The following HECTD3 variants were observed in gnomAD, a reference collection of about 807,000 sequenced individuals.
HECTD3 encodes the protein E3 ubiquitin-protein ligase HECTD3.
A neutral mutation model predicts 109.3 loss-of-function variants in HECTD3; 72 were observed. The observed-to-expected ratio is 0.66, with a 90% confidence interval of 0.54 to 0.80. The LOEUF is 0.80. Among genes scored for constraint, HECTD3 ranks in the 30% least tolerant of loss-of-function variants. The pLI, the probability that HECTD3 is intolerant of heterozygous loss-of-function variation, is 0.00. For missense variants in HECTD3, 1,041 were observed against 1,165.2 expected (o/e 0.89, Z 1.55); for synonymous variants, 481 against 471.8 (o/e 1.02, Z -0.25).
At chr1:45,010,757 C>T (rs1450630789) in intron 1 of HECTD3, 51 bp from the exon 2 acceptor site, 5 of 1,520,394 alleles carry the variant, frequency 3.3e-6, no homozygotes, top group South Asian at 1.3e-5. Context: ...GCCCAGCCGC[C>T]TGTCGTGCCC....
Position 45,006,351 on chromosome 1 carries a change from G to A in HECTD3, c.1726-235C>T. Reference sequence around the variant, plus strand: ...GACAGAGTCTCACTGTGTCACCCAGGCTGGAGTGCAGTGGCGTGATCTCGG... The same window carrying A: ...GACAGAGTCTCACTGTGTCACCCAGACTGGAGTGCAGTGGCGTGATCTCGG... On this transcript the variant is annotated intron_variant, in intron 13 of 20. Coordinates refer to ENST00000372172, the MANE Select transcript of HECTD3 (RefSeq NM_024602.6). The surrounding 1 kb of genome is among the most constrained non-coding windows in gnomAD (Gnocchi z 4.7). 1.9e-6 allele frequency: 1 copy of A among 513,350 alleles called. No individual in the cohort carries two copies. Among genetic ancestry groups the A allele is most frequent in the African/African-American group, 1.9e-5 (1 of 51,790 alleles). The allele number at this position is 513,350 out of a possible 1,614,324, so 31.8% of individuals were successfully genotyped here.
At chr1:45,007,168 T>G (rs766362274) in intron 11 of HECTD3, 51 bp downstream of exon 11, 337 of 1,479,758 alleles carry the variant, frequency 2.3e-4, no homozygotes, top group Non-Finnish European at 3.0e-4. Flanking sequence ...TTGTGTGTGT[T>G]TGTGTGCACA....
In HECTD3 at chr1:45,004,292, A is replaced by G; in HGVS notation, c.2228T>C (p.Val743Ala). Residue 743 changes from valine (V) to alanine (A), a missense_variant, in exon 17 of 21, where the codon GTG becomes GCG. This residue lies in a region of HECTD3 where 569 missense variants were observed against 715.3 expected (regional missense o/e 0.80). Transcript: ENST00000372172. ...LLTWQELEKKVCGDPEVTVDA... is the reference protein window; with the variant it reads ...LLTWQELEKKACGDPEVTVDA... ...CACAGTGACCTCTGGATCCCCACAC[A>G]CTTTCTTCTCCAACTCTTGCCAGGT... The G allele has an allele frequency of 6.2e-7, 1 of 1,613,910 alleles. No individual in the cohort carries two copies.
Position 45,009,212 on chromosome 1 carries a change from T to A in HECTD3, c.1004A>T (p.Asp335Val), listed in dbSNP as rs774288032. 6.2e-7 allele frequency: 1 copy of A among 1,613,742 alleles called. No homozygotes were observed. The highest frequency in any genetic ancestry group is 1.3e-5 in the African/African-American group (1 of 74,990). ...GGTCATGTCCTCCAGGACACAGACA[T>A]CCCCGATGAGGGTCCTGAGGAGATG... ...DVSIDETLIGDVCVLEDMTVH... is the reference protein window; with the variant it reads ...DVSIDETLIGVVCVLEDMTVH... Residue 335 changes from aspartate (D) to valine (V), a missense_variant, in exon 7 of 21, where the codon GAT becomes GTT. This residue lies in a region of HECTD3 where 569 missense variants were observed against 715.3 expected (regional missense o/e 0.80). Coordinates refer to ENST00000372172, the MANE Select transcript of HECTD3 (RefSeq NM_024602.6).
At chr1:45,007,083 A>G (rs1287608366) in intron 11 of HECTD3, 68 bp from the exon 12 acceptor site, 11 of 1,590,342 alleles carry the variant, frequency 6.9e-6, no homozygotes, top group Non-Finnish European at 9.5e-6. Flanking sequence ...CAGCTCAGAG[A>G]CCACCTGGGA....
At position 45,010,524 on chromosome 1, in the gene HECTD3, CCCGCTCCT is replaced by C. The variant is rs1241499472; in HGVS notation, c.530+14_530+21del. 19 of 1,613,112 alleles carry C rather than the reference CCCGCTCCT, an allele frequency of 1.2e-5. No individual in the cohort carries two copies. Among genetic ancestry groups the C allele is most frequent in the Admixed American group, 6.7e-5 (4 of 59,956 alleles). On this transcript the variant is annotated intron_variant, in intron 2 of 20. Coordinates refer to ENST00000372172, the MANE Select transcript of HECTD3 (RefSeq NM_024602.6). Reference sequence around the variant, plus strand: ...CTGGCCCGGCCTTCTGACAGCCAGCCCCGCTCCTTCAAGTGCAGTACCTGAGCACCGGC... The same window carrying C: ...CTGGCCCGGCCTTCTGACAGCCAGCCTCAAGTGCAGTACCTGAGCACCGGC...
intron 9 of HECTD3, 152 bp from the exon 10 acceptor site, chr1:45,007,747 G>A (rs983763331): frequency 1.5e-6 from 1 of 670,892 alleles, no homozygotes; most frequent in Non-Finnish European, 2.5e-6. Context: ...CCTTAGTTCA[G>A]CCACCAGGGA....
At chr1:45,004,555 C>G (rs1644718629) in intron 16 of HECTD3, 45 bp downstream of exon 16, 3 of 1,609,004 alleles carry the variant, frequency 1.9e-6, no homozygotes, top group Non-Finnish European at 1.7e-6. Context: ...AGCTGGGGCT[C>G]AGGAGGGGCC....
rs1644788420 is a variant in HECTD3 at position 45,011,096 on chromosome 1, G to A, written c.162C>T (p.Asp54=). The A allele has an allele frequency of 2.0e-6, 3 of 1,502,548 alleles. No homozygotes were observed. Among genetic ancestry groups the A allele is most frequent in the Non-Finnish European group, 2.6e-6 (3 of 1,132,718 alleles). 93.1% of individuals were successfully genotyped at this position (1,502,548 alleles called of 1,614,324 possible). Residue 54 remains aspartate (D), a synonymous_variant, in exon 1 of 21, where the codon GAC becomes GAT. Transcript: ENST00000372172. ...PREVLYKLYK[D]PAGPSRVLLP... ...GAAGCACGCGCGACGGTCCCGCTGG[G>A]TCCTTGTAAAGCTTGTAGAGCACCT... is the stretch of plus-strand genomic sequence containing the variant.
In HECTD3 at chr1:45,004,621, C is replaced by G. The variant is rs1220194967; in HGVS notation, c.2121G>C (p.Arg707=). Residue 707 remains arginine (R), a synonymous_variant, in exon 16 of 21, where the codon CGG becomes CGC. Transcript: ENST00000372172. The stretch of plus-strand genomic sequence containing the variant: ...CTACCTGCTCCTTGCTCTCCTCTAG[C>G]CGTGCCTTCTGGACCAGTTGGATGA... ...SRFIQLVQKA[R]LEESKEQVAA... 1 of 1,614,206 alleles carries G rather than the reference C, an allele frequency of 6.2e-7. No individual in the cohort carries two copies. Among genetic ancestry groups the G allele is most frequent in the East Asian group, 2.2e-5 (1 of 44,890 alleles).
At position 45,010,452 on chromosome 1, in the gene HECTD3, A is replaced by G. The variant is rs1260074424; in HGVS notation, c.530+94T>C. On this transcript the variant is annotated intron_variant, in intron 2 of 20. Transcript: ENST00000372172. ...CTGCTCTTAACCCTGCCTCCGCTCC[A>G]GTATCCCACCCACCCCAGGCTGTGG... The G allele has an allele frequency of 1.9e-6, 3 of 1,545,372 alleles. No individual in the cohort carries two copies. In the African/African-American group the frequency reaches 4.1e-5, roughly 21 times the overall value.
intron 7 of HECTD3, 24 bp from the exon 8 acceptor site, chr1:45,008,725 G>A (rs1361235354): frequency 6.2e-7 from 1 of 1,602,536 alleles, no homozygotes; most frequent in African/African-American, 1.3e-5. Context: ...TCAGAGTAAG[G>A]TCATTTACAG....
At chr1:45,004,511 C>A (rs931601809) in intron 16 of HECTD3, 89 bp downstream of exon 16, 2 of 1,591,462 alleles carry the variant, frequency 1.3e-6, no homozygotes, top group Non-Finnish European at 1.7e-6. Flanking sequence ...TCTTGGAGTA[C>A]TGGTGGCTTA....
chr1:45,006,247 C>A lies in HECTD3; in HGVS notation c.1726-131G>T. The stretch of plus-strand genomic sequence containing the variant: ...TCCCTTCAAATGCACAGTGGCTCCT[C>A]CTCTCCCTGTCTGCCCAGAGGTTGC... On this transcript the variant is annotated intron_variant, in intron 13 of 20. Coordinates refer to ENST00000372172, the MANE Select transcript of HECTD3 (RefSeq NM_024602.6). This position sits in a 1 kb window ranked among gnomAD's most constrained non-coding sequence, Gnocchi z 4.7. 1 of 1,184,576 alleles carries A rather than the reference C, an allele frequency of 8.4e-7. No individual in the cohort carries two copies. The highest frequency in any genetic ancestry group is 1.2e-6 in the Non-Finnish European group (1 of 828,406). 73.4% of individuals were successfully genotyped at this position (1,184,576 alleles called of 1,614,324 possible). A position where few individuals can be genotyped will look rare whatever the true frequency, so the allele number is the denominator to read the frequency against.
At position 45,010,683 on chromosome 1, in the gene HECTD3, G is replaced by A. The variant is rs547349361; in HGVS notation, c.393C>T (p.Gly131=). The A allele has an allele frequency of 8.3e-6, 13 of 1,566,862 alleles. No homozygotes were observed. In the East Asian group the frequency reaches 9.3e-5, roughly 11 times the overall value. ...LTKEQLAEHL[G]DCGLQEGWLL... Reference sequence around the variant, plus strand: ...GCCAGCCTTCCTGCAGCCCGCAGTCGCCCAGGTGCTCTGCCAGCTGCTCCT... The same window carrying A: ...GCCAGCCTTCCTGCAGCCCGCAGTCACCCAGGTGCTCTGCCAGCTGCTCCT... Residue 131 remains glycine, a synonymous_variant, in exon 2 of 21, where the codon GGC becomes GGT. Coordinates refer to ENST00000372172, the MANE Select transcript of HECTD3 (RefSeq NM_024602.6).
At chr1:45,005,504 A>G (rs1026698831) in intron 15 of HECTD3, 4 of 305,568 alleles carry the variant, frequency 1.3e-5, no homozygotes, top group African/African-American at 8.6e-5. Context: ...CAGGAGCCCT[A>G]GAGGGGAGTA....
chr1:45,008,625 G>T lies in HECTD3; in HGVS notation c.1149C>A (p.Asp383Glu). The change falls in exon 8 of 21, where the codon GAC becomes GAA. Residue 383 changes from aspartate to glutamate, a missense_variant. Physicochemically the swap from Asp to Glu is conservative, Grantham distance 45 (BLOSUM62 2). Coordinates refer to ENST00000372172, the MANE Select transcript of HECTD3 (RefSeq NM_024602.6). ...SRQRELGLNA[D>E]LFQPTSLVRY... Reference sequence around the variant, plus strand: ...GCACCAGACTAGTTGGCTGGAACAGGTCTGCATTCAACCCTAGTTCCCGCT... The same window carrying T: ...GCACCAGACTAGTTGGCTGGAACAGTTCTGCATTCAACCCTAGTTCCCGCT... The T allele has an allele frequency of 6.2e-7, 1 of 1,614,012 alleles. No individual in the cohort carries two copies. Among genetic ancestry groups the T allele is most frequent in the East Asian group, 2.2e-5 (1 of 44,872 alleles).
Position 45,003,531 on chromosome 1 carries a change from G to T in HECTD3, c.2547C>A (p.Cys849Ter). 1 of 1,614,216 alleles carries T rather than the reference G, an allele frequency of 6.2e-7. No homozygotes were observed. Among genetic ancestry groups the T allele is most frequent in the Non-Finnish European group, 8.5e-7 (1 of 1,180,026 alleles). ...GGCTCATGTCAGTGTCGATGGCCAC[G>T]CAGTTGTAGGCCGCATAGCGGAGCT... ...EEKLRYAAYN[C>*]VAIDTDMSPW... Residue 849 changes from cysteine to a stop codon, truncating the protein, a stop_gained, in exon 21 of 21, where the codon TGC (cysteine) becomes TGA (stop). Coordinates refer to ENST00000372172, the MANE Select transcript of HECTD3 (RefSeq NM_024602.6). LOFTEE classifies it high-confidence loss of function. This position sits in a 1 kb window ranked among gnomAD's most constrained non-coding sequence, Gnocchi z 4.7.
Position 45,006,311 on chromosome 1 carries a change from T to A in HECTD3, c.1726-195A>T. On this transcript the variant is annotated intron_variant, in intron 13 of 20. Transcript: ENST00000372172. This position sits in a 1 kb window ranked among gnomAD's most constrained non-coding sequence, Gnocchi z 4.7. The stretch of plus-strand genomic sequence containing the variant: ...GTCCCTCCTCTGCCCTATTTCTATT[T>A]TTTTTTTTTTTTGAGACAGAGTCTC... 2 of 548,326 alleles carry A rather than the reference T, an allele frequency of 3.6e-6. No individual in the cohort carries two copies. The highest frequency in any genetic ancestry group is 6.6e-5 in the East Asian group (2 of 30,162). The allele number at this position is 548,326 out of a possible 1,614,324, so 34.0% of individuals were successfully genotyped here.
Sources: gnomAD v4.1 joint callset for allele counts on GRCh38, gnomAD v4.1.1 for gene constraint, gnomAD v4.1.1 regional missense constraint, Gnocchi (gnomAD v3.1) non-coding constraint, MANE v1.5 for transcripts, NCBI Gene and HGNC (gene_info 2026-07-23, HGNC 2026-07-21) for gene names.